The following GRM7 variants were observed in gnomAD, a reference collection of about 807,000 sequenced individuals.
The protein encoded by GRM7 is glutamate metabotropic receptor 7, also known as metabotropic glutamate receptor 7.
Under a neutral mutation model 84.5 loss-of-function variants are expected in GRM7, and 35 were observed. The ratio of observed to expected loss-of-function variants is 0.41; its 90% CI spans 0.32 to 0.55. GRM7 has a LOEUF of 0.55. Ranked by LOEUF, GRM7 falls within the 20% of genes least tolerant of loss-of-function variation. The pLI, the probability that GRM7 is intolerant of heterozygous loss-of-function variation, is 0.19. For synonymous variants in GRM7, 487 were observed against 455.1 expected (o/e 1.07, Z -0.89); for missense variants, 1,003 against 1,194.6 (o/e 0.84, Z 2.36).
intron 2 of GRM7, among the ~76,000 whole-genome samples, chr3:7,276,201 ATATATATGTGTGTGTGTGTG>A (rs1228502421): frequency 6.0e-5 from 8 of 134,148 alleles, no homozygotes; most frequent in African/African-American, 2.2e-4. Flanking sequence ...TTATATATAT[ATATATATGTGTGTGTGTGTG>A]TGTGTGTGTG....
chr3:7,132,853 A>C (rs540886786), intron 1 of GRM7, among the ~76,000 whole-genome samples: 6 of 152,320 alleles, frequency 3.9e-5, no homozygotes, highest in African/African-American at 1.2e-4. Context: ...ATTGTTCACT[A>C]ACTTGTTGAA....
At chr3:7,062,042 C>G (rs1697448867) in intron 1 of GRM7, among the ~76,000 whole-genome samples, 3 of 151,542 alleles carry the variant, frequency 2.0e-5, no homozygotes, top group African/African-American at 7.3e-5. Context: ...GTTTGGATAC[C>G]CACTAGACAT....
intron 2 of GRM7, among the ~76,000 whole-genome samples, chr3:7,171,636 C>T (rs796894670): frequency 3.9e-5 from 6 of 152,270 alleles, no homozygotes; most frequent in African/African-American, 1.4e-4. Context: ...GCAAGGTCAG[C>T]ATCTTAGAGG....
intron 1 of GRM7, among the ~76,000 whole-genome samples, chr3:7,002,945 A>G (rs1695066458): frequency 6.6e-6 from 1 of 152,216 alleles, no homozygotes; most frequent in African/African-American, 2.4e-5. Context: ...GACAACATGG[A>G]TAAACCTAGA....
chr3:7,506,192 T>C (rs577642772), intron 7 of GRM7, among the ~76,000 whole-genome samples: 1 of 152,192 alleles, frequency 6.6e-6, no homozygotes, highest in South Asian at 2.1e-4. Flanking sequence ...TGTTACCTAA[T>C]AACAAGGTGG....
intron 8 of GRM7, among the ~76,000 whole-genome samples, chr3:7,675,124 T>C (rs1429776488): frequency 6.6e-6 from 1 of 152,244 alleles, no homozygotes; most frequent in Non-Finnish European, 1.5e-5. Context: ...TTTTATGGAA[T>C]TATTAAAGAC....
At chr3:7,070,827 A>C (rs534074044) in intron 1 of GRM7, among the ~76,000 whole-genome samples, 139 of 152,262 alleles carry the variant, frequency 9.1e-4, no homozygotes, top group African/African-American at 3.2e-3. Flanking sequence ...TTGCACATCA[A>C]ATAGAAGCTA....
At chr3:7,089,925 C>G (rs979565376) in intron 1 of GRM7, among the ~76,000 whole-genome samples, 3 of 152,036 alleles carry the variant, frequency 2.0e-5, no homozygotes, top group African/African-American at 7.2e-5. Flanking sequence ...TCACTGCAAC[C>G]TCTACTCCCC....
intron 7 of GRM7, among the ~76,000 whole-genome samples, chr3:7,469,867 A>C (rs1163693639): frequency 6.6e-6 from 1 of 152,220 alleles, no homozygotes; most frequent in East Asian, 1.9e-4. Context: ...TTGTCAGTTA[A>C]CTTGAGATGC....
chr3:6,873,731 C>T (rs1695207353), intron 1 of GRM7, among the ~76,000 whole-genome samples: 1 of 152,196 alleles, frequency 6.6e-6, no homozygotes, highest in Admixed American at 6.5e-5. Context: ...CTGTCATGCA[C>T]CCTGTATAAG....
chr3:7,135,177 C>T (rs1365746092), intron 1 of GRM7, among the ~76,000 whole-genome samples: 3 of 152,108 alleles, frequency 2.0e-5, no homozygotes, highest in Non-Finnish European at 4.4e-5. Flanking sequence ...AATTAAATTA[C>T]CCCCAAATTA....
At chr3:7,045,854 T>C (rs1282260024) in intron 1 of GRM7, among the ~76,000 whole-genome samples, 3 of 152,200 alleles carry the variant, frequency 2.0e-5, no homozygotes, top group Non-Finnish European at 4.4e-5. Flanking sequence ...ATCATAGATA[T>C]TCCTTTGAAT....
At chr3:7,453,911 GC>G (rs781632524) in intron 6 of GRM7, among the ~76,000 whole-genome samples, 1 of 152,108 alleles carries the variant, frequency 6.6e-6, no homozygotes, top group Non-Finnish European at 1.5e-5. Context: ...AAAATGACGG[GC>G]TGATAGCGTA....
intron 7 of GRM7, among the ~76,000 whole-genome samples, chr3:7,483,007 G>C (rs143334395): frequency 3.3e-5 from 5 of 152,250 alleles, no homozygotes; most frequent in African/African-American, 7.2e-5. Context: ...ATTTTAAGCT[G>C]TGTGTTTTTC....
chr3:7,359,220 TTG>T (rs34535570), intron 4 of GRM7, among the ~76,000 whole-genome samples: 45,930 of 132,946 alleles, frequency 0.35, 9,694 homozygotes, highest in East Asian at 0.54. Context: ...GTGTTTGTGT[TTG>T]TGTGTGTGTG....
chr3:7,398,929 G>A (rs1342377510), intron 4 of GRM7, among the ~76,000 whole-genome samples: 9 of 151,770 alleles, frequency 5.9e-5, no homozygotes, highest in Non-Finnish European at 4.4e-5. Flanking sequence ...TCCATTGATG[G>A]CTTCTTTGTT....
intron 4 of GRM7, among the ~76,000 whole-genome samples, chr3:7,336,806 T>C (rs981794890): frequency 3.3e-5 from 5 of 151,010 alleles, no homozygotes; most frequent in African/African-American, 9.7e-5. Context: ...GCTGTAAATC[T>C]ATATATAATA....
intron 8 of GRM7, among the ~76,000 whole-genome samples, chr3:7,587,466 G>C (rs1695571875): frequency 6.6e-6 from 1 of 152,140 alleles, no homozygotes; most frequent in Non-Finnish European, 1.5e-5. Context: ...CATATCTGGG[G>C]GAACTGTCAG....
intron 7 of GRM7, among the ~76,000 whole-genome samples, chr3:7,577,652 T>A (rs1281735302): frequency 3.3e-5 from 5 of 152,194 alleles, no homozygotes; most frequent in Non-Finnish European, 5.9e-5. Flanking sequence ...ATTAAGCAAA[T>A]ACATTCTTCT....
Sources: gnomAD v4.1 joint callset for allele counts (sites outside exome capture counted in the v4.1 genomes callset) on GRCh38, gnomAD v4.1.1 for gene constraint, MANE v1.5 for transcripts, NCBI Gene and HGNC (gene_info 2026-07-23, HGNC 2026-07-21) for gene names.